The following RPTOR variants were observed in gnomAD, a reference collection of about 807,000 sequenced individuals.
The protein encoded by RPTOR is regulatory-associated protein of mTOR.
RPTOR carries 21 observed loss-of-function variants against 169.9 expected under a neutral mutation model. The observed-to-expected ratio is 0.12, with a 90% CI of 0.09 to 0.18. The LOEUF (loss-of-function observed/expected upper bound fraction) is 0.18, where lower values mean the gene tolerates loss of function less well. Ranked by LOEUF, RPTOR falls within the 10% of genes least tolerant of loss-of-function variation. The pLI, the probability that RPTOR is intolerant of heterozygous loss-of-function variation, is 1.00. For missense variants in RPTOR, 1,133 were observed against 1,855.9 expected, an observed-to-expected ratio of 0.61 and a Z score of 7.16; for synonymous variants, 732 against 753.2, an observed-to-expected ratio of 0.97 and a Z score of 0.46.
rs2143707832 is a variant in RPTOR at position 80,844,987 on chromosome 17, T to TTTC, written c.1213-1483_1213-1481dup. ...AGAGGCTGGTAGTTGTTTTTTTTTT[T>TTTC]TTCTTTAATTCTTTGTATCGGGGGC... On this transcript the variant is annotated intron_variant, in intron 10 of 33. Coordinates refer to ENST00000306801, the MANE Select transcript of RPTOR (RefSeq NM_020761.3). The surrounding 1 kb of genome is among the most constrained non-coding windows in gnomAD (Gnocchi z 4.7). 6.6e-6 allele frequency among the ~76,000 whole-genome samples: 1 copy of TTTC among 151,592 alleles called. No individual in the cohort carries two copies. Among genetic ancestry groups the TTTC allele is most frequent in the South Asian group, 2.1e-4 (1 of 4,806 alleles).
At chr17:80,574,141 T>C (rs1210110866) in intron 1 of RPTOR, among the ~76,000 whole-genome samples, 1 of 146,510 alleles carries the variant, frequency 6.8e-6, no homozygotes, top group Non-Finnish European at 1.5e-5. Context: ...TTTAAGATGG[T>C]TTTTTTTTTC....
chr17:80,930,315 G>GCTCAGCTCAGCTCATCTTCAGCTCATC (rs1567993552), intron 24 of RPTOR, among the ~76,000 whole-genome samples: 59 of 13,830 alleles, frequency 4.3e-3, no homozygotes, highest in Middle Eastern at 0.1. Flanking sequence ...CTCATCCCCA[G>GCTCAGCTCAGCTCATCTTCAGCTCATC]CTCAGCTCAG....
intron 6 of RPTOR, among the ~76,000 whole-genome samples, chr17:80,771,022 G>C (rs1227921007): frequency 6.6e-6 from 1 of 152,216 alleles, no homozygotes; most frequent in Non-Finnish European, 1.5e-5. Context: ...CCATCGAGGT[G>C]ATCGCTGCCT....
chr17:80,594,470 T>C (rs1048769956), intron 1 of RPTOR, among the ~76,000 whole-genome samples: 5 of 152,262 alleles, frequency 3.3e-5, no homozygotes, highest in Admixed American at 3.3e-4. Context: ...AGGTGGACTT[T>C]CTCTGTCAAT....
intron 1 of RPTOR, among the ~76,000 whole-genome samples, chr17:80,563,488 C>A (rs1455002952): frequency 1.4e-5 from 2 of 139,862 alleles, no homozygotes; most frequent in Non-Finnish European, 3.0e-5. Context: ...TTGCTTGAAT[C>A]CAGGAAGCAG....
At chr17:80,950,613 C>T (rs186314043) in intron 28 of RPTOR, among the ~76,000 whole-genome samples, 1 of 152,248 alleles carries the variant, frequency 6.6e-6, no homozygotes, top group East Asian at 1.9e-4. Flanking sequence ...GATCTCTGGG[C>T]TCTGCTTCCC....
intron 21 of RPTOR, among the ~76,000 whole-genome samples, chr17:80,915,844 G>A (rs377037067): frequency 1.8e-4 from 25 of 135,136 alleles, no homozygotes; most frequent in South Asian, 4.9e-4. Flanking sequence ...ACCCACTCCA[G>A]GGTCTCCTCT....
rs554787785 is a variant in RPTOR at position 80,877,349 on chromosome 17, C to T, written c.1510-3066C>T. Among the ~76,000 whole-genome samples, 38 of 152,234 alleles carry T rather than the reference C, an allele frequency of 2.5e-4. 1 individual carries two copies. Among genetic ancestry groups the T allele is most frequent in the African/African-American group, 6.0e-4 (25 of 41,516 alleles). ...AAACAGATATGTAAATGACCCCTGC[C>T]GAGCGCTGAAAATGAAGGTATGAAA... On this transcript the variant is annotated intron_variant, in intron 13 of 33. Coordinates refer to ENST00000306801, the MANE Select transcript of RPTOR (RefSeq NM_020761.3).
intron 7 of RPTOR, among the ~76,000 whole-genome samples, chr17:80,817,438 G>A (rs192136705): frequency 6.0e-5 from 9 of 150,342 alleles, no homozygotes; most frequent in East Asian, 2.0e-4. Context: ...TCTCCTGAGT[G>A]CAGACGGAGC....
At chr17:80,895,035 C>T (rs532238969) in intron 20 of RPTOR, among the ~76,000 whole-genome samples, 18 of 152,242 alleles carry the variant, frequency 1.2e-4, no homozygotes, top group African/African-American at 2.4e-4. Context: ...CGCGATCTGC[C>T]GTGACTCCAT....
chr17:80,839,968 C>G (rs574644797), intron 10 of RPTOR, among the ~76,000 whole-genome samples: 2 of 152,290 alleles, frequency 1.3e-5, no homozygotes, highest in South Asian at 2.1e-4. Flanking sequence ...GGTGTCAGGA[C>G]AAGCCGGGGA....
chr17:80,813,863 G>A (rs1235650582), intron 7 of RPTOR, among the ~76,000 whole-genome samples: 1 of 152,196 alleles, frequency 6.6e-6, no homozygotes, highest in African/African-American at 2.4e-5. Flanking sequence ...ACTCGGTACG[G>A]TGGCTTATGC....
At position 80,634,241 on chromosome 17, in the gene RPTOR, G is replaced by A. The variant is rs575259439; in HGVS notation, c.265+8448G>A. Among the ~76,000 whole-genome samples, 5 of 138,504 alleles carry A rather than the reference G, an allele frequency of 3.6e-5. No homozygotes were observed. In the East Asian group the frequency reaches 6.5e-4, roughly 18 times the overall value. 90.9% of individuals were successfully genotyped at this position (138,504 alleles called of 152,430 possible). ...GTGTGCGTGTGTGTACTGTGTGTGC[G>A]TGCATACTGTATGCGTGCATACCGT... On this transcript the variant is annotated intron_variant, in intron 2 of 33. Transcript: ENST00000306801.
intron 5 of RPTOR, among the ~76,000 whole-genome samples, chr17:80,739,643 T>C (rs1401776243): frequency 6.6e-6 from 1 of 151,972 alleles, no homozygotes; most frequent in Admixed American, 6.6e-5. Context: ...GAGAATCAGC[T>C]ACACGTCAAT....
intron 1 of RPTOR, among the ~76,000 whole-genome samples, chr17:80,554,781 C>CAAT (rs1188283081): frequency 1.6e-3 from 228 of 145,584 alleles, no homozygotes; most frequent in Admixed American, 3.4e-3. Context: ...ACAACAACAA[C>CAAT]AACAAAAAAA....
chr17:80,620,404 G>C (rs1417394056), intron 1 of RPTOR, among the ~76,000 whole-genome samples: 1 of 152,110 alleles, frequency 6.6e-6, no homozygotes, highest in Non-Finnish European at 1.5e-5. Flanking sequence ...TTTGAAACGA[G>C]GTTGCCATAG....
intron 4 of RPTOR, among the ~76,000 whole-genome samples, chr17:80,713,031 T>G (rs954605707): frequency 1.3e-5 from 2 of 152,146 alleles, no homozygotes; most frequent in Non-Finnish European, 2.9e-5. Flanking sequence ...GTTGCTGAGT[T>G]TTAAGAGTTC....
chr17:80,893,775 A>G lies in RPTOR; in HGVS notation c.2311A>G (p.Ser771Gly). ...CAGCAGCGCCAGCAGCACCCTGGGC[A>G]GCCCCGAGAATGAGGAGCATATCCT... ...TSSSASSTLG[S>G]PENEEHILSF... Residue 771 changes from serine (S) to glycine (G), a missense_variant, in exon 20 of 34, where the codon AGC becomes GGC. Ser to Gly is a moderately conservative substitution (Grantham distance 56, BLOSUM62 0). Coordinates refer to ENST00000306801, the MANE Select transcript of RPTOR (RefSeq NM_020761.3). 6.3e-7 allele frequency: 1 copy of G among 1,599,404 alleles called. No homozygotes were observed. The highest frequency in any genetic ancestry group is 8.5e-7 in the Non-Finnish European group (1 of 1,172,638).
At chr17:80,588,819 T>C (rs1448928330) in intron 1 of RPTOR, among the ~76,000 whole-genome samples, 1 of 152,242 alleles carries the variant, frequency 6.6e-6, no homozygotes, top group African/African-American at 2.4e-5. Context: ...TGTGTTTATA[T>C]GTGGAACATT....
Sources: gnomAD v4.1 joint callset for allele counts (sites outside exome capture counted in the v4.1 genomes callset) on GRCh38, gnomAD v4.1.1 for gene constraint, Gnocchi (gnomAD v3.1) non-coding constraint, MANE v1.5 for transcripts, NCBI Gene and HGNC (gene_info 2026-07-23, HGNC 2026-07-21) for gene names.